The following GALNT17 variants were observed in gnomAD, a reference collection of about 807,000 sequenced individuals.
GALNT17 encodes the protein polypeptide N-acetylgalactosaminyltransferase 17, also known as UDP-GalNAc:polypeptide N-acetylgalactosaminyltransferase-like 3.
Under a neutral mutation model 63.7 loss-of-function variants are expected in GALNT17, and 29 were observed. The ratio of observed to expected loss-of-function variants is 0.46; its 90% CI spans 0.34 to 0.62. GALNT17 has a LOEUF of 0.62. Among genes scored for constraint, GALNT17 ranks in the 20% least tolerant of loss-of-function variants. The probability of loss-of-function intolerance (pLI) is 0.01; values close to 1 mark genes in which losing one functional copy is unlikely to be tolerated. For missense variants in GALNT17, 603 were observed against 799.6 expected, an observed-to-expected ratio of 0.75 and a Z score of 2.97; for synonymous variants, 305 against 318.3, an observed-to-expected ratio of 0.96 and a Z score of 0.45.
intron 1 of GALNT17, among the ~76,000 whole-genome samples, chr7:71,294,468 G>T (rs1226256409): frequency 7.5e-6 from 1 of 133,132 alleles, no homozygotes; most frequent in Non-Finnish European, 1.5e-5. Context: ...AGGTTGGAGT[G>T]CAGTGGTGTG....
chr7:71,621,529 G>A (rs376437203), intron 6 of GALNT17, among the ~76,000 whole-genome samples: 17 of 100,948 alleles, frequency 1.7e-4, no homozygotes, highest in Non-Finnish European at 3.6e-4. Flanking sequence ...ATGGATGGAT[G>A]GATGGATTGA....
intron 5 of GALNT17, among the ~76,000 whole-genome samples, chr7:71,472,605 G>C (rs1220581344): frequency 2.6e-5 from 4 of 152,192 alleles, no homozygotes; most frequent in Non-Finnish European, 5.9e-5. Context: ...AGAATTGCTG[G>C]AACCCAGGAG....
intron 1 of GALNT17, among the ~76,000 whole-genome samples, chr7:71,133,389 G>T (rs889322975): frequency 9.1e-6 from 1 of 110,242 alleles, no homozygotes; most frequent in African/African-American, 4.1e-5. Context: ...GAGGCGCGCG[G>T]GCAGACGTGT....
At chr7:71,644,033 G>T (rs917828071) in intron 6 of GALNT17, among the ~76,000 whole-genome samples, 3 of 152,090 alleles carry the variant, frequency 2.0e-5, no homozygotes, top group Admixed American at 1.3e-4. Flanking sequence ...AAAAGTATTG[G>T]TTGGTCATAA....
chr7:71,409,709 C>T (rs772832002), intron 3 of GALNT17, among the ~76,000 whole-genome samples: 17 of 152,158 alleles, frequency 1.1e-4, no homozygotes, highest in Non-Finnish European at 2.4e-4. Flanking sequence ...CCACCAGGTT[C>T]GTATGTCCAC....
At chr7:71,344,028 A>C (rs1275085901) in intron 2 of GALNT17, among the ~76,000 whole-genome samples, 2 of 152,082 alleles carry the variant, frequency 1.3e-5, no homozygotes, top group Non-Finnish European at 2.9e-5. Flanking sequence ...GGAGAAGAGC[A>C]AGGCATCTTG....
intron 9 of GALNT17, among the ~76,000 whole-genome samples, chr7:71,690,086 G>A (rs1229787058): frequency 1.2e-4 from 18 of 150,362 alleles, no homozygotes; most frequent in African/African-American, 3.7e-4. Context: ...GTGCAGTGGC[G>A]CAATCTCGGC....
In GALNT17 at chr7:71,353,934, G is replaced by T. The variant is rs115333527; in HGVS notation, c.422+18201G>T. Among the ~76,000 whole-genome samples, 491 of 152,264 alleles carry T rather than the reference G, an allele frequency of 3.2e-3. 1 individual carries two copies. The highest frequency in any genetic ancestry group is 0.011 in the African/African-American group (477 of 41,540). ...ATGCTGGCATCTGCTGGGCCTCCGG[G>T]GAGGCCTCAGGAAACTTACAATTGT... On this transcript the variant is annotated intron_variant, in intron 2 of 10. Coordinates refer to ENST00000333538, the MANE Select transcript of GALNT17 (RefSeq NM_022479.3).
intron 8 of GALNT17, among the ~76,000 whole-genome samples, chr7:71,672,855 C>T (rs1005918280): frequency 1.3e-5 from 2 of 151,950 alleles, no homozygotes; most frequent in Admixed American, 6.6e-5. Flanking sequence ...TTGATTTAAA[C>T]AACAAAATAA....
Position 71,480,969 on chromosome 7 carries a change from C to T in GALNT17, c.962+59864C>T, listed in dbSNP as rs377614841. On this transcript the variant is annotated intron_variant, in intron 5 of 10. Coordinates refer to ENST00000333538, the MANE Select transcript of GALNT17 (RefSeq NM_022479.3). Reference sequence around the variant, plus strand: ...ACACAGAGCTACAGAGGGAGGGAACCTCTGCCACCAGCCTGTGACCATAAT... The same window carrying T: ...ACACAGAGCTACAGAGGGAGGGAACTTCTGCCACCAGCCTGTGACCATAAT... 8.5e-5 allele frequency among the ~76,000 whole-genome samples: 13 copies of T among 152,232 alleles called. No individual in the cohort carries two copies. In the East Asian group the frequency reaches 1.2e-3, roughly 14 times the overall value.
chr7:71,487,035 A>T (rs1271868061), intron 5 of GALNT17, among the ~76,000 whole-genome samples: 4 of 152,080 alleles, frequency 2.6e-5, no homozygotes, highest in African/African-American at 9.7e-5. Context: ...TCAGTGTGGG[A>T]CACGAAGCTT....
At chr7:71,669,069 G>T (rs914452961) in intron 7 of GALNT17, among the ~76,000 whole-genome samples, 2 of 152,186 alleles carry the variant, frequency 1.3e-5, no homozygotes, top group African/African-American at 4.8e-5. Context: ...GAGAATGTAG[G>T]TCGTCAACAT....
chr7:71,478,773 A>G (rs891905954), intron 5 of GALNT17, among the ~76,000 whole-genome samples: 2 of 152,174 alleles, frequency 1.3e-5, no homozygotes, highest in African/African-American at 4.8e-5. Context: ...GAGGATGAAA[A>G]TGTATCATGC....
At position 71,143,470 on chromosome 7, in the gene GALNT17, A is replaced by G. The variant is rs560299433; in HGVS notation, c.238+10430A>G. Among the ~76,000 whole-genome samples, 16 of 151,994 alleles carry G rather than the reference A, an allele frequency of 1.1e-4. No individual in the cohort carries two copies. The East Asian group carries it at 2.9e-3, about 27-fold the overall frequency. On this transcript the variant is annotated intron_variant, in intron 1 of 10. Transcript: ENST00000333538. ...CCCTTGAGAGGTGGTCAGAGCCAGA[A>G]CTACGAATCTGCGGGATTCCTGGCA...
intron 3 of GALNT17, among the ~76,000 whole-genome samples, chr7:71,405,226 G>A (rs1793307889): frequency 1.3e-5 from 2 of 152,202 alleles, no homozygotes; most frequent in Non-Finnish European, 2.9e-5. Flanking sequence ...CACATTCACA[G>A]GAATCAGAGG....
intron 1 of GALNT17, among the ~76,000 whole-genome samples, chr7:71,162,967 C>G (rs1788375473): frequency 6.6e-6 from 1 of 152,072 alleles, no homozygotes; most frequent in Non-Finnish European, 1.5e-5. Flanking sequence ...CTGTGGAGGA[C>G]AAGTGTAGAA....
chr7:71,245,662 CT>C (rs1450889157), intron 1 of GALNT17, among the ~76,000 whole-genome samples: 1 of 152,128 alleles, frequency 6.6e-6, no homozygotes, highest in Non-Finnish European at 1.5e-5. Context: ...TTTTCTGTCT[CT>C]TTAATGGGCA....
rs570847855 is a variant in GALNT17 at position 71,439,962 on chromosome 7, T to G, written c.962+18857T>G. On this transcript the variant is annotated intron_variant, in intron 5 of 10. Coordinates refer to ENST00000333538, the MANE Select transcript of GALNT17 (RefSeq NM_022479.3). Reference sequence around the variant, plus strand: ...GGCCCTCTTTTTTTTTTTTTTTTTTTTGAGACAGAATTTCACTCTGTCACC... The same window carrying G: ...GGCCCTCTTTTTTTTTTTTTTTTTTGTGAGACAGAATTTCACTCTGTCACC... Among the ~76,000 whole-genome samples, 1,041 of 150,674 alleles carry G rather than the reference T, an allele frequency of 6.9e-3. 5 individuals carry two copies. Among genetic ancestry groups the G allele is most frequent in the African/African-American group, 0.025 (1,005 of 40,960 alleles).
At chr7:71,342,071 T>G (rs1303572951) in intron 2 of GALNT17, among the ~76,000 whole-genome samples, 1 of 152,196 alleles carries the variant, frequency 6.6e-6, no homozygotes, top group Non-Finnish European at 1.5e-5. Flanking sequence ...TTGGGACTGT[T>G]TACTGATTGT....
Sources: allele counts gnomAD v4.1 joint callset (sites outside exome capture counted in the v4.1 genomes callset), GRCh38; gene constraint gnomAD v4.1.1; transcripts MANE v1.5; gene names NCBI Gene and HGNC (gene_info 2026-07-23, HGNC 2026-07-21).